The following CNOT6L variants were observed in gnomAD, a reference collection of about 807,000 sequenced individuals.
CNOT6L encodes the protein CCR4-NOT transcription complex subunit 6 like.
CNOT6L carries 7 observed loss-of-function variants against 64.0 expected under a neutral mutation model. The observed-to-expected ratio is 0.11, with a 90% CI of 0.06 to 0.21. CNOT6L has a LOEUF of 0.21. Among genes scored for constraint, CNOT6L ranks in the 10% least tolerant of loss-of-function variants. The pLI is 1.00. For missense variants in CNOT6L, 245 were observed against 669.0 expected (o/e 0.37, Z 6.99); for synonymous variants, 193 against 243.4 (o/e 0.79, Z 1.93).
intron 5 of CNOT6L, among the ~76,000 whole-genome samples, chr4:77,755,223 G>GTTTTTT (rs869054667): frequency 1.4e-5 from 1 of 70,434 alleles, no homozygotes; most frequent in Non-Finnish European, 2.4e-5. Context: ...AGAGACAAGA[G>GTTTTTT]TTTTTTTTTT....
chr4:77,732,874 CATTTG>C (rs2109900210), intron 8 of CNOT6L, among the ~76,000 whole-genome samples: 1 of 152,160 alleles, frequency 6.6e-6, no homozygotes, highest in South Asian at 2.1e-4. Context: ...GACATGGTAT[CATTTG>C]ATTTATGTTT....
At position 77,714,656 on chromosome 4, in the gene CNOT6L, G is replaced by A. The variant is rs1411870625; in HGVS notation, c.*5775C>T. The A allele has an allele frequency of 1.3e-5, 2 of 152,500 alleles. No homozygotes were observed. Among genetic ancestry groups the A allele is most frequent in the Admixed American group, 1.3e-4 (2 of 15,240 alleles). 9.4% of individuals were successfully genotyped at this position (152,500 alleles called of 1,614,324 possible). A position where few individuals can be genotyped will look rare whatever the true frequency, so the allele number is the denominator to read the frequency against. ...TAGTGCACATCTCAGTGCTGCTGGTGTTTAAGAAATTTGTCACTCATAACC... is the reference window on the plus strand; with the variant it reads ...TAGTGCACATCTCAGTGCTGCTGGTATTTAAGAAATTTGTCACTCATAACC... On this transcript the variant is annotated 3_prime_UTR_variant, in exon 12 of 12. Coordinates refer to ENST00000504123, the MANE Select transcript of CNOT6L (RefSeq NM_144571.3).
intron 4 of CNOT6L, among the ~76,000 whole-genome samples, chr4:77,771,203 C>T (rs1417907452): frequency 6.6e-6 from 1 of 152,116 alleles, no homozygotes; most frequent in African/African-American, 2.4e-5. Flanking sequence ...CGCCCAGCTA[C>T]TTGGGAGGCT....
At chr4:77,730,890 G>C (rs932795146) in intron 9 of CNOT6L, among the ~76,000 whole-genome samples, 1 of 152,030 alleles carries the variant, frequency 6.6e-6, no homozygotes, top group Admixed American at 6.6e-5. Flanking sequence ...TTCTGACTCT[G>C]AAGGAAGCTA....
At chr4:77,776,504 T>C (rs1378199800) in intron 1 of CNOT6L, 112 bp from the exon 2 acceptor site, 9 of 688,892 alleles carry the variant, frequency 1.3e-5, no homozygotes, top group Non-Finnish European at 2.1e-5. Context: ...TAGTAAGTCA[T>C]TTTATACTAC....
intron 1 of CNOT6L, among the ~76,000 whole-genome samples, chr4:77,817,893 T>C (rs947617600): frequency 1.7e-4 from 26 of 152,248 alleles, no homozygotes; most frequent in African/African-American, 6.0e-4. Flanking sequence ...TCTAACTACA[T>C]ACAAATGTAA....
intron 5 of CNOT6L, among the ~76,000 whole-genome samples, chr4:77,750,521 T>C (rs1228552854): frequency 1.3e-5 from 2 of 151,954 alleles, no homozygotes; most frequent in East Asian, 3.9e-4. Flanking sequence ...CCAGCTAATT[T>C]TTTTTGTATT....
intron 1 of CNOT6L, among the ~76,000 whole-genome samples, chr4:77,783,150 C>CA (rs35634501): frequency 0.025 from 2,559 of 102,088 alleles, 143 homozygotes; most frequent in East Asian, 0.047. Flanking sequence ...TGTGACCACT[C>CA]AAAAAAAAAA....
rs769801732 is a variant in CNOT6L, at chr4:77,720,427, T to C, written c.*4A>G. Reference sequence around the variant, plus strand: ...GATCCCCGTCTTGGCGGGGCAGTACTCCACTACCTCCGATTAGGCAAGTGA... The same window carrying C: ...GATCCCCGTCTTGGCGGGGCAGTACCCCACTACCTCCGATTAGGCAAGTGA... On this transcript the variant is annotated 3_prime_UTR_variant, in exon 12 of 12. Coordinates refer to ENST00000504123, the MANE Select transcript of CNOT6L (RefSeq NM_144571.3). 1.9e-6 allele frequency: 3 copies of C among 1,613,450 alleles called. No homozygotes were observed. The highest frequency in any genetic ancestry group is 1.3e-5 in the African/African-American group (1 of 75,022).
At chr4:77,775,998 A>G (rs143197416) in intron 2 of CNOT6L, among the ~76,000 whole-genome samples, 11 of 152,306 alleles carry the variant, frequency 7.2e-5, no homozygotes, top group African/African-American at 2.6e-4. Flanking sequence ...GAAATAGCCT[A>G]AACAAAATCT....
chr4:77,735,373 C>T (rs1722839460), intron 8 of CNOT6L, among the ~76,000 whole-genome samples: 1 of 152,132 alleles, frequency 6.6e-6, no homozygotes, highest in South Asian at 2.1e-4. Flanking sequence ...ACTGCCATTA[C>T]AAAGATGAAG....
rs561826607 is a variant in CNOT6L at position 77,730,678 on chromosome 4, T to C, written c.1024+709A>G. ...TGAAGTATGGTGAGAAAAGAAGGTT[T>C]GACACATATGCATGGTCTGAATAAT... On this transcript the variant is annotated intron_variant, in intron 9 of 11. Transcript: ENST00000504123. Among the ~76,000 whole-genome samples the C allele has an allele frequency of 2.6e-5, 4 of 152,242 alleles. No homozygotes were observed. In the East Asian group the frequency reaches 7.7e-4, roughly 29 times the overall value.
chr4:77,792,499 G>C (rs552990724), intron 1 of CNOT6L, among the ~76,000 whole-genome samples: 3 of 152,122 alleles, frequency 2.0e-5, no homozygotes, highest in African/African-American at 7.2e-5. Flanking sequence ...GCTGAGGTGG[G>C]CAGATGACCT....
chr4:77,818,715 C>A (rs1733859605), intron 1 of CNOT6L, among the ~76,000 whole-genome samples: 1 of 152,078 alleles, frequency 6.6e-6, no homozygotes, highest in Non-Finnish European at 1.5e-5. Context: ...AGTCCCGCCT[C>A]CGACCCTCAC....
chr4:77,792,339 T>TA (rs1485579296), intron 1 of CNOT6L, among the ~76,000 whole-genome samples: 2 of 151,578 alleles, frequency 1.3e-5, no homozygotes, highest in East Asian at 1.9e-4. Flanking sequence ...ATCAGCAAAT[T>TA]AAAAAAAATA....
chr4:77,728,942 T>C lies in CNOT6L; in HGVS notation c.1164A>G (p.Lys388=). ...FVSEVKNILE[K]ASSRPGSPTA... The stretch of plus-strand genomic sequence containing the variant: ...TTGGGCTTCCAGGCCTACTAGAGGC[T>C]TTCTCCAGAATGTTTTTAACCTCTG... The change falls in exon 10 of 12, where the codon AAA becomes AAG. Residue 388 remains lysine (K), a synonymous_variant. Coordinates refer to ENST00000504123, the MANE Select transcript of CNOT6L (RefSeq NM_144571.3). 6.2e-7 allele frequency: 1 copy of C among 1,613,884 alleles called. No individual in the cohort carries two copies. The highest frequency in any genetic ancestry group is 2.2e-5 in the East Asian group (1 of 44,874).
At position 77,727,562 on chromosome 4, in the gene CNOT6L, CAAAAAAAAAAAAAAAAAAAAAAAA is replaced by C. The variant is rs55848621; in HGVS notation, c.1253-1217_1253-1194del. Among the ~76,000 whole-genome samples the C allele has an allele frequency of 2.4e-5, 2 of 84,598 alleles. 1 individual carries two copies. Among genetic ancestry groups the C allele is most frequent in the South Asian group, 8.9e-4 (2 of 2,240 alleles). 55.5% of individuals were successfully genotyped at this position (84,598 alleles called of 152,430 possible). ...TGGCAACAAGAGCACAACTCTGTCT[CAAAAAAAAAAAAAAAAAAAAAAAA>C]AAAAAAAAAGGAAAAATGAGGAACT... is the stretch of plus-strand genomic sequence containing the variant. On this transcript the variant is annotated intron_variant, in intron 10 of 11. Coordinates refer to ENST00000504123, the MANE Select transcript of CNOT6L (RefSeq NM_144571.3).
chr4:77,811,874 TAA>T (rs34864447), intron 1 of CNOT6L, among the ~76,000 whole-genome samples: 1,642 of 140,912 alleles, frequency 0.012, 9 homozygotes, highest in African/African-American at 0.015. Flanking sequence ...AGGAGCAGTT[TAA>T]AAAAAAAAAA....
In CNOT6L at chr4:77,788,190, G is replaced by A. The variant is rs1204126992; in HGVS notation, c.6-11798C>T. On this transcript the variant is annotated intron_variant, in intron 1 of 11. Transcript: ENST00000504123. ...TTGCATACTAAGGTAAAATGTAAGCGAACAGTTTTTTAAAAACTTGGATGG... is the reference window on the plus strand; with the variant it reads ...TTGCATACTAAGGTAAAATGTAAGCAAACAGTTTTTTAAAAACTTGGATGG... Among the ~76,000 whole-genome samples the A allele has an allele frequency of 3.3e-5, 5 of 152,010 alleles. 1 individual carries two copies. Among genetic ancestry groups the A allele is most frequent in the East Asian group, 3.8e-4 (2 of 5,202 alleles).
Sources: allele counts gnomAD v4.1 joint callset (sites outside exome capture counted in the v4.1 genomes callset), GRCh38; gene constraint gnomAD v4.1.1; transcripts MANE v1.5; gene names NCBI Gene and HGNC (gene_info 2026-07-23, HGNC 2026-07-21).